Variants in PSD3 observed in about 807,000 individuals in gnomAD.
The protein encoded by PSD3 is PH and SEC7 domain-containing protein 3.
Under a neutral mutation model 105.5 loss-of-function variants are expected in PSD3, and 49 were observed. The observed-to-expected ratio is 0.46, with a 90% CI of 0.37 to 0.59. PSD3 has a LOEUF of 0.59. Among genes scored for constraint, PSD3 ranks in the 20% least tolerant of loss-of-function variants. The pLI is 0.00. For synonymous variants in PSD3, 557 were observed against 457.8 expected (o/e 1.22, Z -2.77); for missense variants, 1,561 against 1,263.8 (o/e 1.24, Z -3.57).
At chr8:18,837,363 A>G (rs1361670724) in intron 4 of PSD3, among the ~76,000 whole-genome samples, 1 of 152,164 alleles carries the variant, frequency 6.6e-6, no homozygotes, top group Admixed American at 6.5e-5. Flanking sequence ...ATGTATTTAT[A>G]AACTACTCAA....
At chr8:18,575,090 C>T in intron 13 of PSD3, 38 bp downstream of exon 13, 1 of 1,598,736 alleles carries the variant, frequency 6.3e-7, no homozygotes. Flanking sequence ...GCTAAGTGAA[C>T]TAAAACACAA....
intron 4 of PSD3, among the ~76,000 whole-genome samples, chr8:18,820,312 C>T (rs1028589012): frequency 6.6e-6 from 1 of 151,310 alleles, no homozygotes; most frequent in Non-Finnish European, 1.5e-5. Flanking sequence ...AATTAAGATA[C>T]TGACTTATCT....
chr8:18,854,292 G>A (rs1815828157), intron 4 of PSD3: 1 of 152,736 alleles, frequency 6.5e-6, no homozygotes, highest in Non-Finnish European at 1.5e-5. Flanking sequence ...GATCCCTCAG[G>A]GGCTCAGGGA....
intron 1 of PSD3, among the ~76,000 whole-genome samples, chr8:19,045,555 G>C (rs1004560796): frequency 3.3e-5 from 5 of 152,186 alleles, no homozygotes; most frequent in African/African-American, 4.8e-5. Context: ...TTCTAGGACC[G>C]ATTCTACAGA....
At chr8:18,911,403 T>C (rs1000782444) in intron 2 of PSD3, among the ~76,000 whole-genome samples, 2 of 152,128 alleles carry the variant, frequency 1.3e-5, no homozygotes, top group African/African-American at 4.8e-5. Flanking sequence ...CTGCAGGATA[T>C]GGTGGAGAGA....
At chr8:19,013,033 A>T (rs1052539440) in intron 1 of PSD3, among the ~76,000 whole-genome samples, 1 of 152,154 alleles carries the variant, frequency 6.6e-6, no homozygotes, top group African/African-American at 2.4e-5. Flanking sequence ...TCAGAACATC[A>T]TTCGCCAGAA....
intron 9 of PSD3, among the ~76,000 whole-genome samples, chr8:18,681,446 C>CAAA (rs528679351): frequency 3.5e-3 from 210 of 60,442 alleles, no homozygotes; most frequent in Non-Finnish European, 5.8e-3. Flanking sequence ...GTTTCTGTTT[C>CAAA]AAAAAAAAAA....
chr8:18,545,124 T>A (rs1800381244), intron 15 of PSD3, among the ~76,000 whole-genome samples: 1 of 152,234 alleles, frequency 6.6e-6, no homozygotes, highest in East Asian at 1.9e-4. Context: ...CTTTACACTG[T>A]TTCTCTAGCT....
chr8:18,655,328 C>CAA (rs35143136), intron 10 of PSD3, among the ~76,000 whole-genome samples: 18 of 100,124 alleles, frequency 1.8e-4, no homozygotes, highest in East Asian at 6.2e-4. Flanking sequence ...GACTCCACCT[C>CAA]AAAAAAAAAA....
At position 18,552,767 on chromosome 8, in the gene PSD3, G is replaced by C. The variant is rs568628112; in HGVS notation, c.2928+3442C>G. ...TCAATGTAGACTTGTCATGCTTAAAGCCTCTTTTAGAAGTAAGATTAGATT... is the reference window on the plus strand; with the variant it reads ...TCAATGTAGACTTGTCATGCTTAAACCCTCTTTTAGAAGTAAGATTAGATT... On this transcript the variant is annotated intron_variant, in intron 15 of 15. Transcript: ENST00000327040. Among the ~76,000 whole-genome samples the C allele has an allele frequency of 2.6e-5, 4 of 152,310 alleles. No individual in the cohort carries two copies. In the South Asian group the frequency reaches 6.2e-4, roughly 24 times the overall value.
At chr8:18,617,854 C>T (rs1374236046) in intron 11 of PSD3, among the ~76,000 whole-genome samples, 1 of 152,160 alleles carries the variant, frequency 6.6e-6, no homozygotes, top group Non-Finnish European at 1.5e-5. Flanking sequence ...ATAGCAGGTC[C>T]TAAGGGAAAT....
chr8:18,696,972 T>C (rs1287329687), intron 9 of PSD3, among the ~76,000 whole-genome samples: 1 of 152,140 alleles, frequency 6.6e-6, no homozygotes, highest in South Asian at 2.1e-4. Context: ...CGTTGGCTCA[T>C]GTCTATAATC....
At chr8:18,896,501 C>A (rs549435428) in intron 2 of PSD3, among the ~76,000 whole-genome samples, 1 of 152,268 alleles carries the variant, frequency 6.6e-6, no homozygotes, top group South Asian at 2.1e-4. Context: ...GCAGCCTTGA[C>A]CCCCTGGGAT....
chr8:19,057,477 C>A (rs547915011), intron 1 of PSD3, among the ~76,000 whole-genome samples: 39 of 152,292 alleles, frequency 2.6e-4, no homozygotes, highest in African/African-American at 7.9e-4. Flanking sequence ...TTTGCAAGAT[C>A]CAGGACTTAC....
intron 2 of PSD3, among the ~76,000 whole-genome samples, chr8:18,904,862 G>A (rs984772143): frequency 6.6e-6 from 1 of 152,120 alleles, no homozygotes; most frequent in Non-Finnish European, 1.5e-5. Context: ...AGAAAGACAA[G>A]AGAGGAATAG....
chr8:18,828,067 A>ATATATATATATATAT (rs371473289), intron 4 of PSD3, among the ~76,000 whole-genome samples: 106 of 118,860 alleles, frequency 8.9e-4, no homozygotes, highest in African/African-American at 3.6e-3. Flanking sequence ...ATATATATAT[A>ATATATATATATATAT]TTTTTTTTTT....
At chr8:18,769,163 T>C (rs376420344) in intron 8 of PSD3, among the ~76,000 whole-genome samples, 2 of 152,196 alleles carry the variant, frequency 1.3e-5, no homozygotes, top group Non-Finnish European at 2.9e-5. Context: ...TTTAGATATG[T>C]TCTGGGGAGA....
At chr8:18,733,273 T>A (rs1011437565) in intron 9 of PSD3, 1 of 152,178 alleles carries the variant, frequency 6.6e-6, no homozygotes, top group Non-Finnish European at 1.5e-5. Flanking sequence ...GAGGTTCTAC[T>A]TTTTAGGGTC....
At chr8:18,755,871 CA>C (rs1805997980) in intron 9 of PSD3, among the ~76,000 whole-genome samples, 1 of 151,950 alleles carries the variant, frequency 6.6e-6, no homozygotes, top group African/African-American at 2.4e-5. Context: ...ACACCAAAAG[CA>C]GCATCATTAT....
Sources: allele counts gnomAD v4.1 joint callset (sites outside exome capture counted in the v4.1 genomes callset), GRCh38; gene constraint gnomAD v4.1.1; transcripts MANE v1.5; gene names NCBI Gene and HGNC (gene_info 2026-07-23, HGNC 2026-07-21).